The following KIF5A variants were observed in gnomAD, a reference collection of about 807,000 sequenced individuals.
KIF5A encodes the protein kinesin family member 5A.
Under a neutral mutation model 141.3 loss-of-function variants are expected in KIF5A, and 35 were observed. That is an observed-to-expected ratio of 0.25 (90% CI 0.19 to 0.33). The LOEUF is 0.33. Among genes scored for constraint, KIF5A ranks in the 10% least tolerant of loss-of-function variants. KIF5A has a pLI of 1.00. For missense variants in KIF5A, 861 were observed against 1,314.3 expected, an observed-to-expected ratio of 0.66 and a Z score of 5.33; for synonymous variants, 448 against 500.2, an observed-to-expected ratio of 0.90 and a Z score of 1.39.
chr12:57,556,056 C>T (rs897959327), intron 1 of KIF5A, among the ~76,000 whole-genome samples: 1 of 152,034 alleles, frequency 6.6e-6, no homozygotes, highest in Non-Finnish European at 1.5e-5. Flanking sequence ...AGCAGGCCTT[C>T]CCAGAACTCC....
chr12:57,571,615 G>T (rs546884267), intron 13 of KIF5A, among the ~76,000 whole-genome samples: 1 of 151,058 alleles, frequency 6.6e-6, no homozygotes, highest in African/African-American at 2.4e-5. Flanking sequence ...TGTTACCTAG[G>T]CTGGAATGCA....
At chr12:57,574,554 G>A (rs1882361953) in intron 15 of KIF5A, among the ~76,000 whole-genome samples, 1 of 141,638 alleles carries the variant, frequency 7.1e-6, no homozygotes, top group African/African-American at 2.6e-5. Flanking sequence ...TTACAGGCGT[G>A]AGCCACCGAG....
intron 23 of KIF5A, 79 bp from the exon 24 acceptor site, chr12:57,580,876 CT>C (rs1475042933): frequency 2.3e-6 from 3 of 1,290,778 alleles, no homozygotes; most frequent in East Asian, 2.3e-5. Context: ...CTCCTCACCC[CT>C]GTCCCCTACG....
rs375960933 is a variant in KIF5A, at chr12:57,576,080, C to T, written c.2024-7C>T. The T allele has an allele frequency of 2.0e-5, 32 of 1,613,850 alleles. No individual in the cohort carries two copies. The African/African-American group carries it at 4.1e-4, about 21-fold the overall frequency. ...TGATGTCAGCTGTCTTCCCCTCTTT[C>T]CCTTAGAAACTGTGCATGAAGTGGC... is the stretch of plus-strand genomic sequence containing the variant. On this transcript the variant is annotated splice_region_variant and splice_polypyrimidine_tract_variant and intron_variant, in intron 17 of 28. Transcript: ENST00000455537.
intron 19 of KIF5A, 59 bp from the exon 20 acceptor site, chr12:57,576,702 C>T: frequency 7.9e-7 from 1 of 1,265,452 alleles, no homozygotes; most frequent in Non-Finnish European, 1.2e-6. Context: ...AGCTGGCCTT[C>T]CCTTCCCCCT....
At chr12:57,566,683 G>A (rs2140160877) in intron 6 of KIF5A, among the ~76,000 whole-genome samples, 1 of 151,920 alleles carries the variant, frequency 6.6e-6, no homozygotes, top group South Asian at 2.1e-4. Context: ...CCAAAGTGCT[G>A]GGATTACAGG....
chr12:57,565,659 C>G (rs866301186), intron 6 of KIF5A, among the ~76,000 whole-genome samples: 2 of 139,870 alleles, frequency 1.4e-5, no homozygotes, highest in African/African-American at 5.3e-5. Context: ...GAGTCTCACT[C>G]TGTTGCCCAG....
At chr12:57,574,721 C>T (rs1447347407) in intron 15 of KIF5A, among the ~76,000 whole-genome samples, 1 of 151,584 alleles carries the variant, frequency 6.6e-6, no homozygotes, top group East Asian at 1.9e-4. Context: ...GCTGGGATTA[C>T]AGGCATGTGC....
At chr12:57,569,165 G>A (rs1565698629) in intron 9 of KIF5A, 91 bp from the exon 10 acceptor site, 2 of 1,574,864 alleles carry the variant, frequency 1.3e-6, no homozygotes. Flanking sequence ...TTCATGGGTT[G>A]TCTGATCCCG....
In KIF5A at chr12:57,567,071, A is replaced by T. The variant is rs1882085620; in HGVS notation, c.502-55A>T. ...ATAATAATAATAAAAATAAATAAAT[A>T]AATACAAACTTAAAAAACAAAGCTT... is the stretch of plus-strand genomic sequence containing the variant. On this transcript the variant is annotated intron_variant, in intron 6 of 28. Coordinates refer to ENST00000455537, the MANE Select transcript of KIF5A (RefSeq NM_004984.4). 7.0e-6 allele frequency: 7 copies of T among 1,004,840 alleles called. No individual in the cohort carries two copies. In the South Asian group the frequency reaches 7.5e-5, roughly 11 times the overall value. The allele number at this position is 1,004,840 out of a possible 1,614,324, so 62.2% of individuals were successfully genotyped here.
chr12:57,584,018 T>C (rs1451779936), intron 28 of KIF5A, among the ~76,000 whole-genome samples, 200 bp from the exon 29 acceptor site: 1 of 148,834 alleles, frequency 6.7e-6, no homozygotes, highest in Non-Finnish European at 1.5e-5. Flanking sequence ...AGCAGAGAAG[T>C]AGGAATGCAG....
chr12:57,552,208 A>G (rs943060829), intron 1 of KIF5A, among the ~76,000 whole-genome samples: 1 of 152,144 alleles, frequency 6.6e-6, no homozygotes, highest in East Asian at 1.9e-4. Flanking sequence ...AGGTTTTTCC[A>G]GTAAGACTGA....
Position 57,563,467 on chromosome 12 carries a change from T to A in KIF5A, c.158T>A (p.Phe53Tyr). Reference protein sequence around the residue: ...GGKPYVFDRVFPPNTTQEQVY... With the variant: ...GGKPYVFDRVYPPNTTQEQVY... ...AAGCCATATGTTTTTGACCGTGTAT[T>A]CCCCCCAAACACGACTCAAGAGCAA... The change falls in exon 2 of 29, where the codon TTC (phenylalanine) becomes TAC (tyrosine). Residue 53 changes from phenylalanine to tyrosine, a missense_variant. By Grantham distance (22) the Phe-to-Tyr change is conservative (BLOSUM62 3). This residue lies in a region of KIF5A where 59 missense variants were observed against 81.1 expected (regional missense o/e 0.73). Transcript: ENST00000455537. 6.2e-7 allele frequency: 1 copy of A among 1,613,480 alleles called. No homozygotes were observed. The highest frequency in any genetic ancestry group is 8.5e-7 in the Non-Finnish European group (1 of 1,179,472).
At chr12:57,555,386 C>G (rs1277484093) in intron 1 of KIF5A, among the ~76,000 whole-genome samples, 1 of 152,042 alleles carries the variant, frequency 6.6e-6, no homozygotes, top group Non-Finnish European at 1.5e-5. Context: ...AAAAATCAGG[C>G]AAAATTAATT....
intron 28 of KIF5A, among the ~76,000 whole-genome samples, 171 bp downstream of exon 28, chr12:57,583,386 C>T (rs74686556): frequency 1.3e-5 from 2 of 152,304 alleles, no homozygotes; most frequent in East Asian, 1.9e-4. Context: ...CCTGTGCTGC[C>T]CCATGTAATC....
chr12:57,582,181 C>T (rs1286726031), intron 26 of KIF5A, among the ~76,000 whole-genome samples: 1 of 152,106 alleles, frequency 6.6e-6, no homozygotes, highest in African/African-American at 2.4e-5. Context: ...GAGCTTAAGG[C>T]TGAAGTGCAC....
intron 13 of KIF5A, among the ~76,000 whole-genome samples, chr12:57,571,654 C>G (rs1433629947): frequency 6.6e-6 from 1 of 151,700 alleles, no homozygotes; most frequent in African/African-American, 2.4e-5. Context: ...ACTGCAGCCT[C>G]GATCTTCCAG....
intron 20 of KIF5A, 40 bp from the exon 21 acceptor site, chr12:57,577,673 C>T (rs1882468828): frequency 2.0e-6 from 3 of 1,510,680 alleles, no homozygotes; most frequent in Non-Finnish European, 1.8e-6. Flanking sequence ...AAGGAGAGTC[C>T]TGAGGGATCT....
intron 1 of KIF5A, among the ~76,000 whole-genome samples, chr12:57,561,329 C>T (rs1367777574): frequency 1.3e-5 from 2 of 152,132 alleles, no homozygotes; most frequent in Admixed American, 6.5e-5. Context: ...CATGAGTCAC[C>T]GTGCCCAGCC....
Sources: gnomAD v4.1 joint callset for allele counts (sites outside exome capture counted in the v4.1 genomes callset) on GRCh38, gnomAD v4.1.1 for gene constraint, gnomAD v4.1.1 regional missense constraint, MANE v1.5 for transcripts, NCBI Gene and HGNC (gene_info 2026-07-23, HGNC 2026-07-21) for gene names.